Variants in MEIKIN observed in about 807,000 individuals in gnomAD.
MEIKIN encodes the protein meiotic kinetochore factor, also known as meiosis-specific kinetochore protein.
At chr5:131,868,624 G>A (rs924965396) in intron 9 of MEIKIN, among the ~76,000 whole-genome samples, 8 of 151,596 alleles carry the variant, frequency 5.3e-5, no homozygotes, top group Non-Finnish European at 1.2e-4. Context: ...AGGCAGCAGT[G>A]TGCAGAGGTG....
intron 9 of MEIKIN, among the ~76,000 whole-genome samples, chr5:131,855,315 T>C (rs1750174615): frequency 6.6e-6 from 1 of 152,188 alleles, no homozygotes; most frequent in African/African-American, 2.4e-5. Context: ...TAACGTTAAA[T>C]GTATATAGAT....
rs965154572 is a variant in MEIKIN, at chr5:131,921,892, A to G, written c.528T>C (p.Thr176=). 1 of 399,012 alleles carries G rather than the reference A, an allele frequency of 2.5e-6. No individual in the cohort carries two copies. Among genetic ancestry groups the G allele is most frequent in the Non-Finnish European group, 4.4e-6 (1 of 226,040 alleles). The allele number at this position is 399,012 out of a possible 1,614,324, so 24.7% of individuals were successfully genotyped here. The part of the protein sequence containing the change: ...LEEHMQWKNS[T]LLDTSKAVAI... The stretch of plus-strand genomic sequence containing the variant: ...CTACTGCTTTACTGGTATCCAGAAG[A>G]GTAGAATTCTTCCACTGCATGTGTT... The change falls in exon 6 of 13, where the codon ACT becomes ACC. Residue 176 remains threonine (T), a synonymous_variant. Coordinates refer to ENST00000442687, the MANE Select transcript of MEIKIN (RefSeq NM_001303622.2).
intron 11 of MEIKIN, among the ~76,000 whole-genome samples, chr5:131,849,197 C>T (rs1295819444): frequency 6.6e-6 from 1 of 151,856 alleles, no homozygotes; most frequent in Non-Finnish European, 1.5e-5. Flanking sequence ...CAGGGGTGGT[C>T]CCCAATTGTT....
At chr5:131,931,126 C>A (rs954632607) in intron 5 of MEIKIN, among the ~76,000 whole-genome samples, 10 of 152,166 alleles carry the variant, frequency 6.6e-5, no homozygotes, top group African/African-American at 2.4e-4. Context: ...TATGAATAAG[C>A]CTACCCAGGG....
chr5:131,846,164 A>AC (rs1264871748), intron 11 of MEIKIN, among the ~76,000 whole-genome samples: 2 of 152,220 alleles, frequency 1.3e-5, no homozygotes, highest in Admixed American at 6.5e-5. Flanking sequence ...CAAATATCCT[A>AC]CATCCAGTAA....
chr5:131,863,227 G>A (rs192702304), intron 9 of MEIKIN, among the ~76,000 whole-genome samples: 116 of 152,236 alleles, frequency 7.6e-4, no homozygotes, highest in Middle Eastern at 3.4e-3. Flanking sequence ...CCTGGAGAAC[G>A]TCCCATGTGT....
chr5:131,844,227 C>T (rs561313871), intron 11 of MEIKIN, among the ~76,000 whole-genome samples: 2 of 152,082 alleles, frequency 1.3e-5, no homozygotes, highest in Non-Finnish European at 2.9e-5. Flanking sequence ...TACAATTCAA[C>T]AAGAGATTTG....
chr5:131,824,016 G>C (rs368285690), intron 11 of MEIKIN, among the ~76,000 whole-genome samples: 3 of 152,124 alleles, frequency 2.0e-5, no homozygotes, highest in African/African-American at 7.2e-5. Flanking sequence ...TAAACAAATG[G>C]AATCTCTATC....
chr5:131,921,866 G>A lies in MEIKIN; in HGVS notation c.554C>T (p.Ala185Val), dbSNP rs532204696. The A allele has an allele frequency of 1.3e-5, 5 of 398,904 alleles. No homozygotes were observed. Among genetic ancestry groups the A allele is most frequent in the East Asian group, 3.6e-5 (1 of 28,060 alleles). The allele number at this position is 398,904 out of a possible 1,614,324, so 24.7% of individuals were successfully genotyped here. A position where few individuals can be genotyped will look rare whatever the true frequency, so the allele number is the denominator to read the frequency against. ...TGAAAACTGTGGTGCCTTCTCTATC[G>A]CTACTGCTTTACTGGTATCCAGAAG... The part of the protein sequence containing the change: ...STLLDTSKAV[A>V]IEKAPQFSNV... The change falls in exon 6 of 13, where the codon GCG (alanine) becomes GTG (valine). Residue 185 changes from alanine (A) to valine (V), a missense_variant. By Grantham distance (64) the Ala-to-Val change is moderately conservative (BLOSUM62 0). Coordinates refer to ENST00000442687, the MANE Select transcript of MEIKIN (RefSeq NM_001303622.2).
intron 9 of MEIKIN, among the ~76,000 whole-genome samples, chr5:131,865,950 G>T (rs1750376056): frequency 6.6e-6 from 1 of 152,162 alleles, no homozygotes; most frequent in Non-Finnish European, 1.5e-5. Context: ...GCCTGTCCTT[G>T]GTCCCCAAGG....
intron 8 of MEIKIN, among the ~76,000 whole-genome samples, chr5:131,908,112 C>A (rs1166063006): frequency 1.3e-5 from 2 of 152,032 alleles, no homozygotes; most frequent in Non-Finnish European, 2.9e-5. Context: ...GATACAAAAA[C>A]CAGACAAAGA....
At chr5:131,862,952 G>A (rs1041106564) in intron 9 of MEIKIN, among the ~76,000 whole-genome samples, 5 of 152,272 alleles carry the variant, frequency 3.3e-5, no homozygotes, top group African/African-American at 1.2e-4. Flanking sequence ...TCCCACTGCA[G>A]CCTCCCCAAG....
At chr5:131,842,791 T>G (rs1327016445) in intron 11 of MEIKIN, among the ~76,000 whole-genome samples, 4 of 152,250 alleles carry the variant, frequency 2.6e-5, no homozygotes, top group East Asian at 1.9e-4. Flanking sequence ...CCACATTTTA[T>G]GCTTTGGATA....
chr5:131,865,821 T>C (rs1750374108), intron 9 of MEIKIN, among the ~76,000 whole-genome samples: 1 of 152,276 alleles, frequency 6.6e-6, no homozygotes, highest in Non-Finnish European at 1.5e-5. Flanking sequence ...TTATCTGTGA[T>C]TTCCTTGGTG....
At chr5:131,856,107 T>C (rs1408315962) in intron 9 of MEIKIN, among the ~76,000 whole-genome samples, 3 of 152,188 alleles carry the variant, frequency 2.0e-5, no homozygotes, top group African/African-American at 4.8e-5. Flanking sequence ...AGGAAAATTT[T>C]TGTCAGAAAT....
intron 8 of MEIKIN, among the ~76,000 whole-genome samples, chr5:131,900,532 G>A (rs962611075): frequency 1.3e-5 from 2 of 152,094 alleles, no homozygotes; most frequent in Non-Finnish European, 2.9e-5. Flanking sequence ...TGCAGATCTC[G>A]GAGGGTTTGG....
chr5:131,835,237 T>A (rs760130887), intron 11 of MEIKIN, among the ~76,000 whole-genome samples: 3 of 150,888 alleles, frequency 2.0e-5, no homozygotes, highest in Non-Finnish European at 4.4e-5. Flanking sequence ...TATATATGTA[T>A]ATATGTGTAT....
At chr5:131,844,558 G>A (rs1749976482) in intron 11 of MEIKIN, among the ~76,000 whole-genome samples, 1 of 152,138 alleles carries the variant, frequency 6.6e-6, no homozygotes, top group African/African-American at 2.4e-5. Flanking sequence ...GAATACCAGA[G>A]AGGAGAGAGC....
intron 8 of MEIKIN, among the ~76,000 whole-genome samples, chr5:131,903,920 C>T (rs568788643): frequency 1.3e-5 from 2 of 150,434 alleles, no homozygotes; most frequent in Non-Finnish European, 3.0e-5. Context: ...CACTCACACA[C>T]TCAAAGTAAA....
Sources: allele counts gnomAD v4.1 joint callset (sites outside exome capture counted in the v4.1 genomes callset), GRCh38; gene constraint gnomAD v4.1.1; transcripts MANE v1.5; gene names NCBI Gene and HGNC (gene_info 2026-07-23, HGNC 2026-07-21).